The following PGM5 variants were observed in gnomAD, a reference collection of about 807,000 sequenced individuals.
The protein encoded by PGM5 is phosphoglucomutase-like protein 5.
A neutral mutation model predicts 59.2 loss-of-function variants in PGM5; 23 were observed. That is an observed-to-expected ratio of 0.39 (90% confidence interval 0.28 to 0.55). The LOEUF is 0.55. Ranked by LOEUF, PGM5 falls within the 20% of genes least tolerant of loss-of-function variation. The pLI is 0.66. For synonymous variants in PGM5, 214 were observed against 286.0 expected, an observed-to-expected ratio of 0.75 and a Z score of 2.54; for missense variants, 574 against 748.3, an observed-to-expected ratio of 0.77 and a Z score of 2.72.
chr9:68,399,741 A>AT (rs1450885501), intron 6 of PGM5, among the ~76,000 whole-genome samples: 1 of 151,848 alleles, frequency 6.6e-6, no homozygotes, highest in Non-Finnish European at 1.5e-5. Context: ...GGCACTTCTA[A>AT]TTTTCATCTT....
At position 68,437,889 on chromosome 9, in the gene PGM5, A is replaced by G. The variant is rs1823464898; in HGVS notation, c.1044-27204A>G. Among the ~76,000 whole-genome samples the G allele has an allele frequency of 6.6e-6, 1 of 152,124 alleles. No individual in the cohort carries two copies. Among genetic ancestry groups the G allele is most frequent in the Non-Finnish European group, 1.5e-5 (1 of 68,020 alleles). On this transcript the variant is annotated intron_variant, in intron 6 of 10. Transcript: ENST00000396396. This position sits in a 1 kb window ranked among gnomAD's most constrained non-coding sequence, Gnocchi z 4.1. ...TTTCTAACAGCCACACAGGCTGTCT[A>G]GTTCATCATTGTCCCCATAATTCTC...
chr9:68,446,803 G>C (rs1413139840), intron 6 of PGM5, among the ~76,000 whole-genome samples: 1 of 152,182 alleles, frequency 6.6e-6, no homozygotes, highest in Non-Finnish European at 1.5e-5. Context: ...TGTGTGTTCT[G>C]TTCCACTTGG....
At chr9:68,463,645 G>GT (rs1489468225) in intron 6 of PGM5, among the ~76,000 whole-genome samples, 2 of 152,104 alleles carry the variant, frequency 1.3e-5, no homozygotes, top group South Asian at 2.1e-4. Flanking sequence ...AGTTTTCGCT[G>GT]TTTTTTAATT....
intron 6 of PGM5, among the ~76,000 whole-genome samples, chr9:68,431,646 C>A (rs1039808081): frequency 3.3e-5 from 5 of 152,156 alleles, no homozygotes; most frequent in Non-Finnish European, 7.3e-5. Flanking sequence ...TCACAGTCTT[C>A]TTCTAGAATG....
chr9:68,371,905 C>T (rs571125023), intron 1 of PGM5, among the ~76,000 whole-genome samples: 14 of 152,176 alleles, frequency 9.2e-5, no homozygotes, highest in African/African-American at 3.4e-4. Flanking sequence ...AACACAAGCT[C>T]GGAAATATGT....
chr9:68,361,418 T>C (rs1211282630), intron 1 of PGM5, among the ~76,000 whole-genome samples: 2 of 152,290 alleles, frequency 1.3e-5, no homozygotes, highest in Non-Finnish European at 2.9e-5. Flanking sequence ...ACTCTGTTTT[T>C]TCCTGGTTAA....
intron 8 of PGM5, among the ~76,000 whole-genome samples, chr9:68,481,821 G>C (rs2132091418): frequency 6.6e-6 from 1 of 152,270 alleles, no homozygotes; most frequent in East Asian, 1.9e-4. Flanking sequence ...TAAAGAAAAA[G>C]GGAGGAGAAA....
intron 6 of PGM5, among the ~76,000 whole-genome samples, chr9:68,451,674 A>G (rs768791660): frequency 2.6e-5 from 4 of 152,204 alleles, no homozygotes; most frequent in Non-Finnish European, 4.4e-5. Context: ...AGATGGTGAA[A>G]GGCTTTCAGG....
rs71353051 is a variant in PGM5 at position 68,401,885 on chromosome 9, ATATATGTGTGTGTG to A, written c.1043+9414_1043+9427del. 3.4e-3 allele frequency among the ~76,000 whole-genome samples: 359 copies of A among 104,182 alleles called. 2 individuals carry two copies. Among genetic ancestry groups the A allele is most frequent in the South Asian group, 7.7e-3 (27 of 3,506 alleles). The allele number at this position is 104,182 out of a possible 152,430, so 68.3% of individuals were successfully genotyped here. A position where few individuals can be genotyped will look rare whatever the true frequency, so the allele number is the denominator to read the frequency against. On this transcript the variant is annotated intron_variant, in intron 6 of 10. Transcript: ENST00000396396. ...CAGTGGTAGTTACACAGCTATATATATATATGTGTGTGTGTGTGTGTGTGTGTGTGTGTGTGTGT... is the reference window on the plus strand; with the variant it reads ...CAGTGGTAGTTACACAGCTATATATATGTGTGTGTGTGTGTGTGTGTGTGT...
intron 6 of PGM5, 67 bp downstream of exon 6, chr9:68,392,540 T>A: frequency 1.3e-6 from 2 of 1,586,908 alleles, no homozygotes; most frequent in Non-Finnish European, 1.7e-6. Context: ...CCTTTGTTGG[T>A]TGCTGGCGCT....
chr9:68,502,985 G>A (rs782076525), intron 10 of PGM5, among the ~76,000 whole-genome samples: 14 of 152,172 alleles, frequency 9.2e-5, no homozygotes, highest in East Asian at 5.8e-4. Context: ...CACCACATCC[G>A]GCTTTAAGTA....
chr9:68,522,723 T>C (rs1253337214), intron 10 of PGM5, among the ~76,000 whole-genome samples: 1 of 152,184 alleles, frequency 6.6e-6, no homozygotes, highest in African/African-American at 2.4e-5. Flanking sequence ...AAGTCAAGAG[T>C]AGGGTCTGTC....
intron 1 of PGM5, among the ~76,000 whole-genome samples, chr9:68,359,342 C>T (rs1430175278): frequency 1.4e-4 from 21 of 152,116 alleles, no homozygotes; most frequent in Non-Finnish European, 2.8e-4. Flanking sequence ...AATTAAAATC[C>T]ACATAGAAGC....
At chr9:68,414,528 T>C (rs1822988529) in intron 6 of PGM5, among the ~76,000 whole-genome samples, 1 of 152,062 alleles carries the variant, frequency 6.6e-6, no homozygotes, top group Admixed American at 6.5e-5. Context: ...CCCTCCTTTC[T>C]CTTTACGAAC....
intron 1 of PGM5, among the ~76,000 whole-genome samples, chr9:68,358,680 AAG>A (rs1563978771): frequency 6.6e-6 from 1 of 151,746 alleles, no homozygotes; most frequent in Non-Finnish European, 1.5e-5. Context: ...AACATTTTTA[AAG>A]GATCTCCATG....
Position 68,499,216 on chromosome 9 carries a change from C to T in PGM5, c.1480-11C>T, listed in dbSNP as rs1824529379. The T allele has an allele frequency of 6.2e-7, 1 of 1,613,924 alleles. No individual in the cohort carries two copies. The highest frequency in any genetic ancestry group is 2.2e-5 in the East Asian group (1 of 44,878). ...TGCTCACTGCTCCATTCTGGATGTT[C>T]TTGGTCTCAGGGCCTAAGGATCATT... On this transcript the variant is annotated splice_polypyrimidine_tract_variant and intron_variant, in intron 9 of 10. Coordinates refer to ENST00000396396, the MANE Select transcript of PGM5 (RefSeq NM_021965.4).
intron 6 of PGM5, among the ~76,000 whole-genome samples, chr9:68,447,163 G>A (rs1373335765): frequency 6.6e-6 from 1 of 152,202 alleles, no homozygotes; most frequent in Non-Finnish European, 1.5e-5. Context: ...CAAGCCGGAG[G>A]GAGGGACATG....
chr9:68,515,801 A>G (rs552972910), intron 10 of PGM5, among the ~76,000 whole-genome samples: 1 of 152,358 alleles, frequency 6.6e-6, no homozygotes, highest in East Asian at 1.9e-4. Context: ...AACTTAAGCT[A>G]GAAGGGTTGT....
intron 6 of PGM5, among the ~76,000 whole-genome samples, chr9:68,428,044 T>C (rs1228099714): frequency 1.3e-5 from 2 of 152,230 alleles, no homozygotes; most frequent in Non-Finnish European, 1.5e-5. Flanking sequence ...TAAAGAGCTC[T>C]CCAAATTTGG....
Sources: gnomAD v4.1 joint callset for allele counts (sites outside exome capture counted in the v4.1 genomes callset) on GRCh38, gnomAD v4.1.1 for gene constraint, Gnocchi (gnomAD v3.1) non-coding constraint, MANE v1.5 for transcripts, NCBI Gene and HGNC (gene_info 2026-07-23, HGNC 2026-07-21) for gene names.